The following SYCP2 variants were observed in gnomAD, a reference collection of about 807,000 sequenced individuals.
SYCP2 encodes synaptonemal complex lateral element protein.
Under a neutral mutation model 211.3 loss-of-function variants are expected in SYCP2, and 55 were observed. The ratio of observed to expected loss-of-function variants is 0.26; its 90% CI spans 0.21 to 0.33. SYCP2 has a LOEUF of 0.33. SYCP2 is among the 10% of genes least tolerant of loss of function. The pLI is 1.00. For missense variants in SYCP2, 1,731 were observed against 1,752.0 expected (o/e 0.99, Z 0.21); for synonymous variants, 570 against 555.2 (o/e 1.03, Z -0.37).
At chr20:59,907,507 G>A in intron 14 of SYCP2, 83 bp from the exon 15 acceptor site, 1 of 1,143,792 alleles carries the variant, frequency 8.7e-7, no homozygotes, top group Non-Finnish European at 1.3e-6. Context: ...CAAGTTACAG[G>A]AACTATGAAT....
Position 59,912,403 on chromosome 20 carries a change from A to T in SYCP2, c.846T>A (p.Pro282=), listed in dbSNP as rs1283190176. ...ATTTATCAAGAAATGCTGATAAACAAGGAAATGTAAAGACCCTGAAATAAA... is the reference window on the plus strand; with the variant it reads ...ATTTATCAAGAAATGCTGATAAACATGGAAATGTAAAGACCCTGAAATAAA... ...LGDKRRVFTF[P]CLSAFLDKYE... is the part of the protein sequence containing the mutation. The change falls in exon 13 of 45, where the codon CCT becomes CCA. Residue 282 remains proline, a synonymous_variant. Transcript: ENST00000357552. 1 of 1,083,816 alleles carries T rather than the reference A, an allele frequency of 9.2e-7. No homozygotes were observed. The highest frequency in any genetic ancestry group is 1.5e-5 in the South Asian group (1 of 68,890). 67.1% of individuals were successfully genotyped at this position (1,083,816 alleles called of 1,614,324 possible).
At chr20:59,880,210 G>A (rs888376758) in intron 31 of SYCP2, 93 bp downstream of exon 31, 6 of 1,019,632 alleles carry the variant, frequency 5.9e-6, no homozygotes, top group African/African-American at 4.9e-5. Flanking sequence ...GTAATGAACA[G>A]TCTAAATACA....
chr20:59,884,604 A>C (rs2059750908), intron 26 of SYCP2, among the ~76,000 whole-genome samples: 1 of 152,032 alleles, frequency 6.6e-6, no homozygotes, highest in Non-Finnish European at 1.5e-5. Context: ...TAAAAAGGTT[A>C]TCTCTCAATA....
intron 39 of SYCP2, among the ~76,000 whole-genome samples, chr20:59,867,028 A>AAAAAAG (rs1555866985): frequency 2.1e-5 from 3 of 144,722 alleles, no homozygotes; most frequent in African/African-American, 7.5e-5. Context: ...AAAAAAAAAA[A>AAAAAAG]AAAAAAAGAA....
intron 26 of SYCP2, among the ~76,000 whole-genome samples, chr20:59,883,344 G>A (rs2059720811): frequency 1.3e-5 from 2 of 151,790 alleles, no homozygotes; most frequent in South Asian, 2.1e-4. Flanking sequence ...GCAAGACTCT[G>A]TCTCCAAACA....
Position 59,868,578 on chromosome 20 carries a change from A to G in SYCP2, c.3833-10T>C. 1.9e-6 allele frequency: 3 copies of G among 1,564,732 alleles called. No individual in the cohort carries two copies. The South Asian group carries it at 3.7e-5, about 19-fold the overall frequency. On this transcript the variant is annotated splice_polypyrimidine_tract_variant and intron_variant, in intron 37 of 44. Coordinates refer to ENST00000357552, the MANE Select transcript of SYCP2 (RefSeq NM_014258.4). ...AGATGTTGGGTGGGGCCTTAGGAAC[A>G]GTTAAAGAAAGTTAAAAGCGCTGCA...
intron 2 of SYCP2, among the ~76,000 whole-genome samples, chr20:59,929,209 T>G (rs1344300437): frequency 6.6e-6 from 1 of 151,982 alleles, no homozygotes; most frequent in African/African-American, 2.4e-5. Flanking sequence ...ACCAGTCCCC[T>G]CTCCACCATC....
chr20:59,870,054 A>T, intron 35 of SYCP2, 71 bp from the exon 36 acceptor site: 1 of 1,006,382 alleles, frequency 9.9e-7, no homozygotes, highest in Non-Finnish European at 1.4e-6. Flanking sequence ...CTTCAAAAAG[A>T]GTTGAACATA....
chr20:59,932,339 G>A (rs2060766914), intron 1 of SYCP2, among the ~76,000 whole-genome samples, 185 bp from the exon 2 acceptor site: 1 of 152,130 alleles, frequency 6.6e-6, no homozygotes, highest in Non-Finnish European at 1.5e-5. Context: ...GACATTAAAG[G>A]TGAATGAAGG....
intron 2 of SYCP2, among the ~76,000 whole-genome samples, chr20:59,927,945 T>TAA (rs2060664219): frequency 6.6e-6 from 1 of 152,098 alleles, no homozygotes; most frequent in Admixed American, 6.5e-5. Flanking sequence ...GTCAATACAG[T>TAA]AAGCTTTCTC....
intron 14 of SYCP2, among the ~76,000 whole-genome samples, chr20:59,910,693 T>TTTCTC (rs545315078): frequency 1.4e-3 from 209 of 151,934 alleles, no homozygotes; most frequent in African/African-American, 4.6e-3. Context: ...TAACAATACT[T>TTTCTC]TTCTCTTCTC....
At position 59,915,210 on chromosome 20, in the gene SYCP2, A is replaced by T; in HGVS notation, c.600-11T>A. On this transcript the variant is annotated splice_polypyrimidine_tract_variant and intron_variant, in intron 9 of 44. Transcript: ENST00000357552. Reference sequence around the variant, plus strand: ...TCTCCCATACTACTCCTGTGAATTAAAATAACAGATTACAAAATAGACCAG... The same window carrying T: ...TCTCCCATACTACTCCTGTGAATTATAATAACAGATTACAAAATAGACCAG... 1 of 1,565,754 alleles carries T rather than the reference A, an allele frequency of 6.4e-7. No individual in the cohort carries two copies. The highest frequency in any genetic ancestry group is 8.8e-7 in the Non-Finnish European group (1 of 1,138,796).
intron 24 of SYCP2, among the ~76,000 whole-genome samples, chr20:59,890,397 G>A (rs145521290): frequency 1.4e-4 from 22 of 152,056 alleles, no homozygotes; most frequent in African/African-American, 5.3e-4. Flanking sequence ...GGGGCCTGTT[G>A]GGGGGTGGAG....
intron 31 of SYCP2, among the ~76,000 whole-genome samples, chr20:59,878,300 C>T (rs1354963197): frequency 1.3e-5 from 2 of 152,074 alleles, no homozygotes; most frequent in Admixed American, 6.6e-5. Flanking sequence ...GAAGCTTTTC[C>T]TTTCCCAGAA....
intron 31 of SYCP2, 24 bp downstream of exon 31, chr20:59,880,279 T>C (rs201080325): frequency 1.3e-6 from 2 of 1,538,806 alleles, no homozygotes; most frequent in South Asian, 1.2e-5. Context: ...ATTTGCAACA[T>C]TTATCCAAAA....
intron 30 of SYCP2, 97 bp from the exon 31 acceptor site, chr20:59,880,568 C>T (rs954684212): frequency 1.5e-6 from 1 of 646,110 alleles, no homozygotes; most frequent in Non-Finnish European, 2.4e-6. Flanking sequence ...CAAAAAAAAA[C>T]AAAACCCAAA....
At chr20:59,867,675 T>C (rs371750264) in intron 39 of SYCP2, 36 bp downstream of exon 39, 64 of 1,538,652 alleles carry the variant, frequency 4.2e-5, no homozygotes, top group Non-Finnish European at 5.7e-5. Context: ...ATTATTATAT[T>C]ATTGGGTATA....
chr20:59,895,405 A>G, intron 20 of SYCP2, 32 bp downstream of exon 20: 1 of 1,555,228 alleles, frequency 6.4e-7, no homozygotes, highest in Non-Finnish European at 8.7e-7. Flanking sequence ...ACTTGAAAAA[A>G]TATTTTTAAA....
rs201728081 is a variant in SYCP2 at position 59,881,454 on chromosome 20, C to T, written c.2697G>A (p.Ala899=). The T allele has an allele frequency of 9.8e-6, 15 of 1,538,420 alleles. No homozygotes were observed. The highest frequency in any genetic ancestry group is 4.8e-5 in the East Asian group (2 of 41,938). Residue 899 remains alanine (A), a synonymous_variant, in exon 29 of 45, where the codon GCG becomes GCA. Coordinates refer to ENST00000357552, the MANE Select transcript of SYCP2 (RefSeq NM_014258.4). ...ATACCTACAATCTAATTGACCTATC[C>T]GCACAAGCTTCTTTAGCTGTAGCTT... ...EFQATAKEAC[A]DRSIRLVGPR...
Sources: gnomAD v4.1 joint callset for allele counts (sites outside exome capture counted in the v4.1 genomes callset) on GRCh38, gnomAD v4.1.1 for gene constraint, MANE v1.5 for transcripts, NCBI Gene and HGNC (gene_info 2026-07-23, HGNC 2026-07-21) for gene names.